MYZAP: variants seen among roughly 807,000 people sequenced by gnomAD.
The protein encoded by MYZAP is myocardial zonula adherens protein, also known as GRINL1A complex locus upstream.
MYZAP carries 66 observed loss-of-function variants against 69.4 expected under a neutral mutation model. That is an observed-to-expected ratio of 0.95 (90% confidence interval 0.78 to 1.17). The LOEUF (loss-of-function observed/expected upper bound fraction) is 1.17, where lower values mean the gene tolerates loss of function less well. Ranked by LOEUF, MYZAP falls within the 50% of genes most tolerant of loss-of-function variation. The pLI is 0.00. For missense variants in MYZAP, 611 were observed against 556.2 expected (o/e 1.10, Z -0.99); for synonymous variants, 256 against 205.9 (o/e 1.24, Z -2.09).
In MYZAP at chr15:57,621,716, A is replaced by C. The variant is rs1390239395; in HGVS notation, c.411+16A>C. On this transcript the variant is annotated intron_variant, in intron 4 of 12. Coordinates refer to ENST00000267853, the MANE Select transcript of MYZAP (RefSeq NM_001018100.5). ...GGAACTATCAGTAAGTCATTATCTC[A>C]GTTGCTTGGAGATAGGGAGGCATGG... 2.1e-4 allele frequency: 338 copies of C among 1,591,590 alleles called. No individual in the cohort carries two copies. Among genetic ancestry groups the C allele is most frequent in the Non-Finnish European group, 2.7e-4 (310 of 1,159,958 alleles).
intron 3 of MYZAP, among the ~76,000 whole-genome samples, chr15:57,618,504 C>A (rs1200429062): frequency 6.6e-6 from 1 of 152,012 alleles, no homozygotes; most frequent in Non-Finnish European, 1.5e-5. Flanking sequence ...CTTACCAGTC[C>A]CACATTCATC....
At chr15:57,622,569 C>T (rs1218712616) in intron 4 of MYZAP, among the ~76,000 whole-genome samples, 7 of 151,942 alleles carry the variant, frequency 4.6e-5, no homozygotes, top group African/African-American at 1.7e-4. Flanking sequence ...AGACAAACAT[C>T]AATAAAAAGT....
At position 57,668,894 on chromosome 15, in the gene MYZAP, ATTT is replaced by A. The variant is rs869270863; in HGVS notation, c.1204-6063_1204-6061del. Among the ~76,000 whole-genome samples, 497 of 62,590 alleles carry A rather than the reference ATTT, an allele frequency of 7.9e-3. 4 individuals are homozygous for A. The highest frequency in any genetic ancestry group is 0.014 in the African/African-American group (356 of 25,372). The allele number at this position is 62,590 out of a possible 152,430, so 41.1% of individuals were successfully genotyped here. A position where few individuals can be genotyped will look rare whatever the true frequency, so the allele number is the denominator to read the frequency against. On this transcript the variant is annotated intron_variant, in intron 11 of 12. Coordinates refer to ENST00000267853, the MANE Select transcript of MYZAP (RefSeq NM_001018100.5). ...TGAAGATATATATATATATATATATATTTTTTTTTTTTTGCAATGGGGTCTTGC... is the reference window on the plus strand; with the variant it reads ...TGAAGATATATATATATATATATATATTTTTTTTTTGCAATGGGGTCTTGC...
chr15:57,593,192 A>ACACG (rs2033823635), intron 1 of MYZAP, among the ~76,000 whole-genome samples: 1 of 57,172 alleles, frequency 1.7e-5, no homozygotes. Flanking sequence ...ACAGGCGCAC[A>ACACG]CACACACACA....
At chr15:57,677,235 T>C (rs1321383823) in intron 12 of MYZAP, among the ~76,000 whole-genome samples, 1 of 152,230 alleles carries the variant, frequency 6.6e-6, no homozygotes, top group African/African-American at 2.4e-5. Context: ...GGGACCCTTC[T>C]TCCTCCCCAA....
At chr15:57,592,342 A>T (rs1321103612) in intron 1 of MYZAP, among the ~76,000 whole-genome samples, 1 of 151,986 alleles carries the variant, frequency 6.6e-6, no homozygotes, top group African/African-American at 2.4e-5. Context: ...ATTCCCAGAG[A>T]TTTCCTCTCC....
At chr15:57,641,220 G>T (rs755572654) in intron 10 of MYZAP, among the ~76,000 whole-genome samples, 1 of 152,074 alleles carries the variant, frequency 6.6e-6, no homozygotes, top group African/African-American at 2.4e-5. Context: ...ACCCTTACCT[G>T]TAAGAGGTTA....
intron 3 of MYZAP, among the ~76,000 whole-genome samples, chr15:57,620,522 G>A (rs1343555354): frequency 6.6e-6 from 1 of 152,196 alleles, no homozygotes; most frequent in Non-Finnish European, 1.5e-5. Flanking sequence ...CTTTTGTTGT[G>A]TTTTGAAAGT....
At chr15:57,625,276 G>A (rs540923021) in intron 4 of MYZAP, among the ~76,000 whole-genome samples, 11 of 152,186 alleles carry the variant, frequency 7.2e-5, no homozygotes, top group African/African-American at 2.6e-4. Context: ...GTTTCACCAC[G>A]TTGGCCAGGC....
intron 12 of MYZAP, 34 bp from the exon 13 acceptor site, chr15:57,684,368 T>A (rs2039590018): frequency 6.7e-7 from 1 of 1,481,854 alleles, no homozygotes; most frequent in African/African-American, 1.4e-5. Flanking sequence ...TTGTTTTGTT[T>A]CATTTTCCTG....
rs536536718 is a variant in MYZAP, at chr15:57,684,607, G to T, written c.*109G>T. ...GTTTCCCCTACACACAGTGTAAGCCGGAATGGGAATCGCTGAGGCTCTGAT... is the reference window on the plus strand; with the variant it reads ...GTTTCCCCTACACACAGTGTAAGCCTGAATGGGAATCGCTGAGGCTCTGAT... On this transcript the variant is annotated 3_prime_UTR_variant, in exon 13 of 13. Coordinates refer to ENST00000267853, the MANE Select transcript of MYZAP (RefSeq NM_001018100.5). The T allele has an allele frequency of 1.0e-5, 7 of 699,250 alleles. No homozygotes were observed. The highest frequency in any genetic ancestry group is 4.9e-5 in the Admixed American group (2 of 40,664). The allele number at this position is 699,250 out of a possible 1,614,324, so 43.3% of individuals were successfully genotyped here.
intron 11 of MYZAP, among the ~76,000 whole-genome samples, chr15:57,669,083 T>C (rs2038747056): frequency 6.6e-6 from 1 of 151,914 alleles, no homozygotes; most frequent in South Asian, 2.1e-4. Flanking sequence ...TAGAGATGGT[T>C]TCACCACGTT....
intron 10 of MYZAP, among the ~76,000 whole-genome samples, chr15:57,643,159 A>G (rs916316346): frequency 2.6e-5 from 4 of 152,168 alleles, no homozygotes; most frequent in African/African-American, 7.2e-5. Flanking sequence ...GCCGGAAAAT[A>G]TAGAAAAATG....
At chr15:57,634,783 A>G (rs1225321542) in intron 8 of MYZAP, among the ~76,000 whole-genome samples, 3 of 152,164 alleles carry the variant, frequency 2.0e-5, no homozygotes, top group Non-Finnish European at 4.4e-5. Context: ...GTCAATTACA[A>G]TCTCCCTTCT....
intron 10 of MYZAP, chr15:57,646,184 A>T: frequency 1.6e-6 from 2 of 1,289,344 alleles, no homozygotes; most frequent in Middle Eastern, 2.1e-4. Flanking sequence ...GGCTCTTTGG[A>T]AGATGATAAG....
At chr15:57,652,018 A>G (rs890008368) in intron 10 of MYZAP, among the ~76,000 whole-genome samples, 18 of 152,162 alleles carry the variant, frequency 1.2e-4, no homozygotes, top group African/African-American at 4.3e-4. Flanking sequence ...CTATTATTAT[A>G]TATTACTTCA....
chr15:57,664,405 G>A (rs2038468388), intron 11 of MYZAP, among the ~76,000 whole-genome samples: 1 of 152,132 alleles, frequency 6.6e-6, no homozygotes, highest in Admixed American at 6.5e-5. Flanking sequence ...GGGAATCAGA[G>A]GTGACATTCA....
intron 8 of MYZAP, among the ~76,000 whole-genome samples, chr15:57,634,639 G>A (rs2036706142): frequency 6.6e-6 from 1 of 152,208 alleles, no homozygotes. Flanking sequence ...CCCCTGTACT[G>A]TCCCCTCATA....
At chr15:57,662,727 G>A (rs867634470) in intron 11 of MYZAP, among the ~76,000 whole-genome samples, 17 of 152,242 alleles carry the variant, frequency 1.1e-4, no homozygotes, top group Middle Eastern at 3.4e-3. Flanking sequence ...GAGGTTCGGG[G>A]GTATTAAGAA....
Sources: allele counts gnomAD v4.1 joint callset (sites outside exome capture counted in the v4.1 genomes callset), GRCh38; gene constraint gnomAD v4.1.1; transcripts MANE v1.5; gene names NCBI Gene and HGNC (gene_info 2026-07-23, HGNC 2026-07-21).